The following TPST2 variants were observed in gnomAD, a reference collection of about 807,000 sequenced individuals.
TPST2 encodes tyrosylprotein sulfotransferase 2.
In TPST2, 16 loss-of-function variants were observed where a neutral mutation model predicts 27.8. The ratio of observed to expected loss-of-function variants is 0.58; its 90% CI spans 0.39 to 0.88. The LOEUF (loss-of-function observed/expected upper bound fraction) is 0.88, where lower values mean the gene tolerates loss of function less well. Among genes scored for constraint, TPST2 ranks in the 40% least tolerant of loss-of-function variants. The pLI, the probability that TPST2 is intolerant of heterozygous loss-of-function variation, is 0.00. For missense variants in TPST2, 464 were observed against 543.1 expected (o/e 0.85, Z 1.45); for synonymous variants, 229 against 231.7 (o/e 0.99, Z 0.10).
rs903537127 is a variant in TPST2, at chr22:26,578,424, G to C, written c.-161+11629C>G. On this transcript the variant is annotated intron_variant, in intron 1 of 6. Transcript: ENST00000338754. The stretch of plus-strand genomic sequence containing the variant: ...CACGCTGAATGGGAACTCTGGAAGT[G>C]GGGTACAGCAACCTGTGTTGAAGAA... Among the ~76,000 whole-genome samples, 4 of 152,182 alleles carry C rather than the reference G, an allele frequency of 2.6e-5. No homozygotes were observed. The East Asian group carries it at 7.7e-4, about 29-fold the overall frequency.
chr22:26,534,297 A>G (rs1925331659), intron 4 of TPST2, among the ~76,000 whole-genome samples: 1 of 152,188 alleles, frequency 6.6e-6, no homozygotes, highest in Admixed American at 6.5e-5. Flanking sequence ...GCAAACTCAC[A>G]GGGCTTAGTG....
chr22:26,528,118 G>A, intron 6 of TPST2, 96 bp downstream of exon 6: 3 of 1,431,052 alleles, frequency 2.1e-6, no homozygotes, highest in Non-Finnish European at 2.9e-6. Flanking sequence ...TCTACCCCAG[G>A]GAGGCTCTGG....
chr22:26,589,734 C>T lies in TPST2; in HGVS notation c.-161+319G>A, dbSNP rs537703273. Among the ~76,000 whole-genome samples the T allele has an allele frequency of 2.3e-3, 349 of 152,296 alleles. 2 individuals are homozygous for T. The highest frequency in any genetic ancestry group is 7.6e-3 in the African/African-American group (318 of 41,588). On this transcript the variant is annotated intron_variant, in intron 1 of 6. Transcript: ENST00000338754. ...ACGCGCCGCCCTCCCCCCCAGTCCC[C>T]CCGCCAACAGACGCTGAGCGTCTCC... is the stretch of plus-strand genomic sequence containing the variant.
intron 1 of TPST2, among the ~76,000 whole-genome samples, chr22:26,566,081 CA>C (rs1047580595): frequency 1.6e-4 from 25 of 152,210 alleles, no homozygotes; most frequent in African/African-American, 6.0e-4. Flanking sequence ...GAGGGCTCTG[CA>C]GCCACACGTG....
At position 26,540,931 on chromosome 22, in the gene TPST2, G is replaced by A. The variant is rs12169509; in HGVS notation, c.700C>T (p.Leu234=). Residue 234 remains leucine, a synonymous_variant, in exon 3 of 7, where the codon CTG becomes TTG. Coordinates refer to ENST00000338754, the MANE Select transcript of TPST2 (RefSeq NM_003595.5). ...ACCAGCTGCTCGTAGTACACAGGCA[G>A]GCACTTCTCCTTGCCTACCTCCATG... ...QCMEVGKEKC[L]PVYYEQLVLH... 0.21 allele frequency: 343,187 copies of A among 1,613,962 alleles called. 39,887 individuals carry two copies. The highest frequency in any genetic ancestry group is 0.24 in the Non-Finnish European group (284,310 of 1,179,948).
intron 2 of TPST2, among the ~76,000 whole-genome samples, chr22:26,542,282 G>A (rs1487675592): frequency 1.3e-5 from 2 of 150,246 alleles, no homozygotes; most frequent in Non-Finnish European, 3.0e-5. Flanking sequence ...TGAGTGGTGA[G>A]AGATCATAGC....
intron 4 of TPST2, 88 bp from the exon 5 acceptor site, chr22:26,532,833 A>G: frequency 8.0e-7 from 1 of 1,247,022 alleles, no homozygotes; most frequent in South Asian, 1.3e-5. Context: ...TCATCCACCC[A>G]TCCACCTCGC....
intron 4 of TPST2, 55 bp from the exon 5 acceptor site, chr22:26,532,800 T>G: frequency 6.4e-7 from 1 of 1,573,564 alleles, no homozygotes; most frequent in Non-Finnish European, 8.7e-7. Flanking sequence ...AAAATAAAAT[T>G]TAGTCATTCC....
chr22:26,572,812 C>T (rs1307779046), intron 1 of TPST2, among the ~76,000 whole-genome samples: 1 of 151,918 alleles, frequency 6.6e-6, no homozygotes, highest in Non-Finnish European at 1.5e-5. Context: ...TTTTCCTACA[C>T]TTATCACAGA....
Position 26,541,886 on chromosome 22 carries a change from A to AT in TPST2, c.-88-169dup, listed in dbSNP as rs1027789915. Reference sequence around the variant, plus strand: ...GGCACCCTGCTGGGCACTTTTTTCAATTTTTTTTGTTTTTTTAAAGAGATG... The same window carrying AT: ...GGCACCCTGCTGGGCACTTTTTTCAATTTTTTTTTGTTTTTTTAAAGAGATG... On this transcript the variant is annotated intron_variant, in intron 2 of 6. Coordinates refer to ENST00000338754, the MANE Select transcript of TPST2 (RefSeq NM_003595.5). This position sits in a 1 kb window ranked among gnomAD's most constrained non-coding sequence, Gnocchi z 5.9. 5.9e-5 allele frequency among the ~76,000 whole-genome samples: 9 copies of AT among 151,844 alleles called. No individual in the cohort carries two copies. Among genetic ancestry groups the AT allele is most frequent in the South Asian group, 2.1e-4 (1 of 4,792 alleles).
At chr22:26,578,279 C>A (rs1157148035) in intron 1 of TPST2, among the ~76,000 whole-genome samples, 1 of 152,138 alleles carries the variant, frequency 6.6e-6, no homozygotes, top group Non-Finnish European at 1.5e-5. Context: ...CAGGTTTTAG[C>A]GCCCGTGTGC....
At chr22:26,563,331 C>T (rs1180593781) in intron 1 of TPST2, among the ~76,000 whole-genome samples, 1 of 133,668 alleles carries the variant, frequency 7.5e-6, no homozygotes, top group Admixed American at 7.5e-5. Context: ...CCCTCTTCTT[C>T]TTTTTTTTTT....
In TPST2 at chr22:26,536,336, G is replaced by A. The variant is rs1925463546; in HGVS notation, c.993C>T (p.Pro331=). ...AQLGYDPYAN[P]PNYGNPDPFV... ...AGGGGTCAGGGTTGCCATAGTTGGG[G>A]GGGTTTGCATAAGGGTCATAGCCGA... Residue 331 remains proline, a synonymous_variant, in exon 4 of 7, where the codon CCC becomes CCT. Coordinates refer to ENST00000338754, the MANE Select transcript of TPST2 (RefSeq NM_003595.5). 4 of 1,614,168 alleles carry A rather than the reference G, an allele frequency of 2.5e-6. No individual in the cohort carries two copies. The highest frequency in any genetic ancestry group is 3.4e-6 in the Non-Finnish European group (4 of 1,179,988).
At chr22:26,564,001 T>C (rs1927255854) in intron 1 of TPST2, among the ~76,000 whole-genome samples, 1 of 152,172 alleles carries the variant, frequency 6.6e-6, no homozygotes, top group Non-Finnish European at 1.5e-5. Flanking sequence ...ATACTGCAAG[T>C]GCCCTCCCAA....
intron 1 of TPST2, among the ~76,000 whole-genome samples, chr22:26,545,744 G>A (rs567102535): frequency 5.3e-4 from 80 of 152,284 alleles, no homozygotes; most frequent in Non-Finnish European, 7.8e-4. Context: ...GTAAACAGGA[G>A]ATTTTAACCA....
At chr22:26,588,519 G>T (rs8139114) in intron 1 of TPST2, among the ~76,000 whole-genome samples, 27 of 152,298 alleles carry the variant, frequency 1.8e-4, no homozygotes, top group African/African-American at 5.1e-4. Context: ...TACTTTAAAA[G>T]GGTGAATTGT....
chr22:26,532,664 A>G, intron 5 of TPST2, 31 bp downstream of exon 5: 2 of 1,610,792 alleles, frequency 1.2e-6, no homozygotes, highest in Non-Finnish European at 1.7e-6. Flanking sequence ...TGAGAAAGAC[A>G]GAATTCGGAA....
intron 1 of TPST2, among the ~76,000 whole-genome samples, chr22:26,564,741 TC>T (rs1175075541): frequency 1.3e-5 from 2 of 152,104 alleles, no homozygotes; most frequent in Non-Finnish European, 2.9e-5. Flanking sequence ...ACTGTTATTC[TC>T]CCCATTTGAC....
At chr22:26,557,685 G>A (rs1050412931) in intron 1 of TPST2, among the ~76,000 whole-genome samples, 5 of 151,220 alleles carry the variant, frequency 3.3e-5, no homozygotes, top group Non-Finnish European at 7.4e-5. Flanking sequence ...TCTGGTGTAG[G>A]ATGCCTGAAA....
Sources: allele counts gnomAD v4.1 joint callset (sites outside exome capture counted in the v4.1 genomes callset), GRCh38; gene constraint gnomAD v4.1.1; non-coding constraint Gnocchi (gnomAD v3.1); transcripts MANE v1.5; gene names NCBI Gene and HGNC (gene_info 2026-07-23, HGNC 2026-07-21).